Variants in ADAM22 observed in about 807,000 individuals in gnomAD.
ADAM22 encodes disintegrin and metalloproteinase domain-containing protein 22.
In ADAM22, 65 loss-of-function variants were observed where a neutral mutation model predicts 144.6. The observed-to-expected ratio is 0.45, with a 90% confidence interval of 0.37 to 0.55. The LOEUF is 0.55. Among genes scored for constraint, ADAM22 ranks in the 20% least tolerant of loss-of-function variants. The pLI is 0.00. For synonymous variants in ADAM22, 391 were observed against 412.6 expected, an observed-to-expected ratio of 0.95 and a Z score of 0.63; for missense variants, 974 against 1,184.9, an observed-to-expected ratio of 0.82 and a Z score of 2.61.
intron 4 of ADAM22, among the ~76,000 whole-genome samples, chr7:88,078,951 A>G (rs1289262430): frequency 2.6e-5 from 4 of 152,218 alleles, no homozygotes; most frequent in Non-Finnish European, 5.9e-5. Flanking sequence ...GAACTTCCCA[A>G]TCTAGCAAGG....
intron 7 of ADAM22, among the ~76,000 whole-genome samples, chr7:88,117,651 G>A (rs888272176): frequency 6.6e-6 from 1 of 151,670 alleles, no homozygotes; most frequent in Non-Finnish European, 1.5e-5. Context: ...TGGATATCTG[G>A]TATGGAGATG....
In ADAM22 at chr7:88,031,336, G is replaced by A. The variant is rs192329042; in HGVS notation, c.324-44290G>A. 1.7e-3 allele frequency among the ~76,000 whole-genome samples: 257 copies of A among 152,290 alleles called. 1 individual carries two copies. Among genetic ancestry groups the A allele is most frequent in the African/African-American group, 5.7e-3 (238 of 41,570 alleles). ...GGTTCAGAAGAAGAGAGGAAGATGA[G>A]AGAAAGTTTGGAAATTCCTAGAGAC... On this transcript the variant is annotated intron_variant, in intron 3 of 31. Coordinates refer to ENST00000413139, the MANE Select transcript of ADAM22 (RefSeq NM_001324418.2).
intron 14 of ADAM22, among the ~76,000 whole-genome samples, chr7:88,142,577 A>T (rs969462550): frequency 6.6e-6 from 1 of 152,132 alleles, no homozygotes. Context: ...GGTGGCTCAC[A>T]CCTGTAATCC....
intron 3 of ADAM22, among the ~76,000 whole-genome samples, chr7:87,986,791 G>A (rs1788596601): frequency 6.6e-6 from 1 of 151,910 alleles, no homozygotes; most frequent in Admixed American, 6.6e-5. Context: ...AGTATTACCT[G>A]TTTTTTTAAT....
At chr7:88,012,293 C>T (rs1213216325) in intron 3 of ADAM22, among the ~76,000 whole-genome samples, 1 of 152,136 alleles carries the variant, frequency 6.6e-6, no homozygotes, top group Non-Finnish European at 1.5e-5. Flanking sequence ...ACCTAGTAAT[C>T]ATAAATTCCC....
chr7:88,145,028 G>A, intron 15 of ADAM22, 97 bp from the exon 16 acceptor site: 1 of 937,444 alleles, frequency 1.1e-6, no homozygotes. Context: ...AGAATGACTG[G>A]CAGGGCAGGT....
intron 4 of ADAM22, among the ~76,000 whole-genome samples, chr7:88,095,352 G>GA (rs371248051): frequency 6.6e-6 from 1 of 152,070 alleles, no homozygotes; most frequent in Non-Finnish European, 1.5e-5. Flanking sequence ...TCTGCTGAAT[G>GA]AAAAAAATAA....
At chr7:88,177,919 C>T (rs1469820251) in intron 26 of ADAM22, among the ~76,000 whole-genome samples, 2 of 152,118 alleles carry the variant, frequency 1.3e-5, no homozygotes, top group African/African-American at 4.8e-5. Flanking sequence ...TAAAAATTCT[C>T]AGTCCAGCAC....
Position 88,108,222 on chromosome 7 carries a change from A to G in ADAM22, c.437A>G (p.Asp146Gly). Residue 146 changes from aspartate to glycine, a missense_variant, in exon 5 of 32, where the codon GAC becomes GGC. Physicochemically the swap from Asp to Gly is moderately conservative, Grantham distance 94. Coordinates refer to ENST00000413139, the MANE Select transcript of ADAM22 (RefSeq NM_001324418.2). ...CAGGGCCATATCCGAGGAAACCCTG[A>G]CTCATTTGTTGCATTGTCAACATGC... ...YYQGHIRGNP[D>G]SFVALSTCHG... The G allele has an allele frequency of 1.2e-6, 2 of 1,613,706 alleles. No homozygotes were observed. Among genetic ancestry groups the G allele is most frequent in the Non-Finnish European group, 1.7e-6 (2 of 1,179,870 alleles).
chr7:87,963,328 A>G (rs1637503), intron 2 of ADAM22, among the ~76,000 whole-genome samples: 81,062 of 151,958 alleles, frequency 0.53, 21,969 homozygotes, highest in African/African-American at 0.56. Flanking sequence ...GCGACAACCC[A>G]CCCAGTTTTC....
At position 88,178,996 on chromosome 7, in the gene ADAM22, A is replaced by T; in HGVS notation, c.2362A>T (p.Ile788Phe). The change falls in exon 27 of 32, where the codon ATT (isoleucine) becomes TTT (phenylalanine). Residue 788 changes from isoleucine to phenylalanine, a missense_variant. Physicochemically the swap from Ile to Phe is conservative, Grantham distance 21. Transcript: ENST00000413139. ...PGDGDSFYSD[I>F]PPGVSTNSAS... ...AGATGGTGACTCTTTTTATAGCGACATTCCTCCCGGAGTCAGCACAAACTC... is the reference window on the plus strand; with the variant it reads ...AGATGGTGACTCTTTTTATAGCGACTTTCCTCCCGGAGTCAGCACAAACTC... The T allele has an allele frequency of 6.2e-7, 1 of 1,613,328 alleles. No individual in the cohort carries two copies. The highest frequency in any genetic ancestry group is 2.2e-5 in the East Asian group (1 of 44,840).
chr7:88,077,686 A>G (rs1162093315), intron 4 of ADAM22, among the ~76,000 whole-genome samples: 1 of 152,220 alleles, frequency 6.6e-6, no homozygotes, highest in Admixed American at 6.5e-5. Context: ...ACGGCACACC[A>G]GGAGATTATA....
intron 3 of ADAM22, among the ~76,000 whole-genome samples, chr7:88,016,031 C>T (rs1210335758): frequency 6.6e-6 from 1 of 151,830 alleles, no homozygotes; most frequent in Non-Finnish European, 1.5e-5. Context: ...CTGTATTTCT[C>T]AAGGTATATT....
intron 2 of ADAM22, among the ~76,000 whole-genome samples, chr7:87,942,935 C>G (rs1842760455): frequency 1.3e-5 from 2 of 151,960 alleles, no homozygotes; most frequent in African/African-American, 4.8e-5. Flanking sequence ...ATAGAACTAG[C>G]AGTACCAGAG....
rs548316880 is a variant in ADAM22, at chr7:88,114,048, G to T, written c.474-536G>T. On this transcript the variant is annotated intron_variant, in intron 5 of 31. Transcript: ENST00000413139. ...GTCGTTGTACTTCTCTTGTAGATTT[G>T]TGGAAAAGATTAAATGAGTGTAAAG... Among the ~76,000 whole-genome samples the T allele has an allele frequency of 7.2e-5, 11 of 152,088 alleles. No homozygotes were observed. In the East Asian group the frequency reaches 1.9e-3, roughly 27 times the overall value.
At chr7:88,117,901 G>C (rs536446136) in intron 7 of ADAM22, among the ~76,000 whole-genome samples, 2 of 151,976 alleles carry the variant, frequency 1.3e-5, no homozygotes, top group Non-Finnish European at 2.9e-5. Context: ...CGCCATATTG[G>C]GTAGGCTGGT....
chr7:88,017,404 G>A (rs988602780), intron 3 of ADAM22, among the ~76,000 whole-genome samples: 3 of 151,916 alleles, frequency 2.0e-5, no homozygotes, highest in Non-Finnish European at 2.9e-5. Context: ...ATTATTATGC[G>A]TCAACTAAAA....
At chr7:88,146,163 T>G (rs1041937298) in intron 17 of ADAM22, among the ~76,000 whole-genome samples, 1 of 152,206 alleles carries the variant, frequency 6.6e-6, no homozygotes, top group Non-Finnish European at 1.5e-5. Context: ...TCATACAAAA[T>G]CTGGTGTAAT....
chr7:88,188,185 A>T (rs555501805), intron 30 of ADAM22, among the ~76,000 whole-genome samples: 1 of 152,164 alleles, frequency 6.6e-6, no homozygotes, highest in East Asian at 1.9e-4. Context: ...CTTTCATCCT[A>T]TATGGGTTAG....
Sources: allele counts gnomAD v4.1 joint callset (sites outside exome capture counted in the v4.1 genomes callset), GRCh38; gene constraint gnomAD v4.1.1; transcripts MANE v1.5; gene names NCBI Gene and HGNC (gene_info 2026-07-23, HGNC 2026-07-21).